The following TCF25 variants were observed in gnomAD, a reference collection of about 807,000 sequenced individuals.
The protein encoded by TCF25 is ribosome quality control complex subunit TCF25.
TCF25 carries 41 observed loss-of-function variants against 83.1 expected under a neutral mutation model. That is an observed-to-expected ratio of 0.49 (90% CI 0.38 to 0.64). The LOEUF (loss-of-function observed/expected upper bound fraction) is 0.64. TCF25 is among the 30% of genes least tolerant of loss of function. The pLI is 0.00. For synonymous variants in TCF25, 458 were observed against 365.0 expected (o/e 1.25, Z -2.90); for missense variants, 979 against 914.5 (o/e 1.07, Z -0.91).
intron 1 of TCF25, among the ~76,000 whole-genome samples, chr16:89,881,333 A>G (rs2042591167): frequency 6.6e-6 from 1 of 152,074 alleles, no homozygotes; most frequent in Admixed American, 6.6e-5. Flanking sequence ...GGTTTTCAAG[A>G]TGTTTTAAAT....
intron 5 of TCF25, 70 bp from the exon 6 acceptor site, chr16:89,892,123 T>G (rs2043479562): frequency 1.4e-6 from 2 of 1,445,492 alleles, no homozygotes. Context: ...CGTGCAGGGA[T>G]CAGGCAGCCA....
At position 89,873,826 on chromosome 16, in the gene TCF25, G is replaced by A. The variant is rs1335493116; in HGVS notation, c.159G>A (p.Lys53=). 4 of 1,583,418 alleles carry A rather than the reference G, an allele frequency of 2.5e-6. No homozygotes were observed. The highest frequency in any genetic ancestry group is 1.7e-4 in the Middle Eastern group (1 of 5,990). Residue 53 remains lysine, a synonymous_variant, in exon 1 of 18, where the codon AAG becomes AAA. Transcript: ENST00000263346. ...TCCGGCGTCCCGGGGGCGCAGGGAAGGAGGGCGTCCGAGTCAACAACCGCT... is the reference window on the plus strand; with the variant it reads ...TCCGGCGTCCCGGGGGCGCAGGGAAAGAGGGCGTCCGAGTCAACAACCGCT... ...LGVRRPGGAG[K]EGVRVNNRFE...
chr16:89,874,837 C>T (rs2143872649), intron 1 of TCF25: 1 of 151,442 alleles, frequency 6.6e-6, no homozygotes, highest in East Asian at 1.9e-4. Context: ...TGGTCTAGAA[C>T]TTCTGCGCTC....
chr16:89,904,367 A>C, intron 13 of TCF25, 162 bp downstream of exon 13: 1 of 752,734 alleles, frequency 1.3e-6, no homozygotes, highest in Non-Finnish European at 2.2e-6. Flanking sequence ...ACGGCTCTGG[A>C]GCCCTCATCT....
In TCF25 at chr16:89,896,013, T is replaced by C; in HGVS notation, c.952T>C (p.Cys318Arg). Residue 318 changes from cysteine (C) to arginine (R), a missense_variant, in exon 9 of 18, where the codon TGT becomes CGT. Transcript: ENST00000263346. ...LVERALYSME[C>R]AFHPLFSLTS... ...AGAGAGAGCGCTGTACAGCATGGAA[T>C]GTGCGTTCCACCCCCTGTTCAGTCT... is the stretch of plus-strand genomic sequence containing the variant. 1 of 1,613,924 alleles carries C rather than the reference T, an allele frequency of 6.2e-7. No individual in the cohort carries two copies. Among genetic ancestry groups the C allele is most frequent in the Non-Finnish European group, 8.5e-7 (1 of 1,179,984 alleles).
At chr16:89,898,918 T>G in intron 11 of TCF25, 46 bp downstream of exon 11, 1 of 1,570,280 alleles carries the variant, frequency 6.4e-7, no homozygotes, top group African/African-American at 1.3e-5. Flanking sequence ...GGACACCTGC[T>G]TCTCCTTCTG....
rs759320439 is a variant in TCF25, at chr16:89,893,870, C to G, written c.828+12C>G. 34 of 1,592,974 alleles carry G rather than the reference C, an allele frequency of 2.1e-5. 1 individual carries two copies. The highest frequency in any genetic ancestry group is 3.9e-4 in the Middle Eastern group (2 of 5,116). On this transcript the variant is annotated intron_variant, in intron 7 of 17. Transcript: ENST00000263346. ...CGAACAACATCGTGGTGCGTGGTCC[C>G]TGCAGCCCCTGACAGGAGCAGGGGC...
chr16:89,887,232 G>A (rs751302883), intron 4 of TCF25, among the ~76,000 whole-genome samples: 1 of 151,872 alleles, frequency 6.6e-6, no homozygotes, highest in Non-Finnish European at 1.5e-5. Flanking sequence ...ATCCTTGGAT[G>A]ATTAATTCAT....
At chr16:89,900,439 A>G (rs745809489) in intron 11 of TCF25, among the ~76,000 whole-genome samples, 196 bp from the exon 12 acceptor site, 1 of 152,110 alleles carries the variant, frequency 6.6e-6, no homozygotes, top group Non-Finnish European at 1.5e-5. Flanking sequence ...CGTCCTCTGT[A>G]TCTTCTGCAT....
chr16:89,902,606 A>C (rs1214162248), intron 12 of TCF25, among the ~76,000 whole-genome samples: 1 of 147,050 alleles, frequency 6.8e-6, no homozygotes, highest in Non-Finnish European at 1.5e-5. Flanking sequence ...GGAGAATGGC[A>C]TGAACCCAGG....
At chr16:89,908,868 G>C (rs2144336637) in intron 16 of TCF25, 2 of 1,195,346 alleles carry the variant, frequency 1.7e-6, no homozygotes, top group Non-Finnish European at 2.2e-6. Flanking sequence ...CTGCAGCTCT[G>C]AGGTCAGGGC....
chr16:89,880,131 A>G (rs2042501253), intron 1 of TCF25, among the ~76,000 whole-genome samples: 1 of 130,546 alleles, frequency 7.7e-6, no homozygotes, highest in Non-Finnish European at 1.8e-5. Context: ...GTCTGTGTAC[A>G]CAGGCAGGCT....
rs777395488 is a variant in TCF25, at chr16:89,911,276, T to A, written c.*38T>A. 1.1e-5 allele frequency: 17 copies of A among 1,603,026 alleles called. No individual in the cohort carries two copies. The highest frequency in any genetic ancestry group is 4.5e-5 in the East Asian group (2 of 44,612). Reference sequence around the variant, plus strand: ...GTGACCGAAAAGCCGTATGATGATGTTCCCGATTTCTCTGTTGGTCGGAGT... The same window carrying A: ...GTGACCGAAAAGCCGTATGATGATGATCCCGATTTCTCTGTTGGTCGGAGT... On this transcript the variant is annotated 3_prime_UTR_variant, in exon 18 of 18. Coordinates refer to ENST00000263346, the MANE Select transcript of TCF25 (RefSeq NM_014972.3).
At chr16:89,896,271 A>C (rs1221414853) in intron 9 of TCF25, among the ~76,000 whole-genome samples, 188 bp downstream of exon 9, 1 of 152,024 alleles carries the variant, frequency 6.6e-6, no homozygotes, top group Non-Finnish European at 1.5e-5. Flanking sequence ...GCCCAGGTTT[A>C]CCTTTGTCTG....
In TCF25 at chr16:89,911,339, C is replaced by T. The variant is rs953737681; in HGVS notation, c.*101C>T. ...TGAAGTAGGGAAGCTGAGTGTGTCG[C>T]TCCCTGGTCCACTGTTTCTCCTATA... On this transcript the variant is annotated 3_prime_UTR_variant, in exon 18 of 18. Coordinates refer to ENST00000263346, the MANE Select transcript of TCF25 (RefSeq NM_014972.3). 2.8e-6 allele frequency: 4 copies of T among 1,449,230 alleles called. No homozygotes were observed. The African/African-American group carries it at 5.5e-5, about 20-fold the overall frequency. 89.8% of individuals were successfully genotyped at this position (1,449,230 alleles called of 1,614,324 possible).
rs756094390 is a variant in TCF25 at position 89,900,775 on chromosome 16, G to T, written c.1362G>T (p.Ala454=). The change falls in exon 12 of 18, where the codon GCG becomes GCT. Residue 454 remains alanine, a synonymous_variant. Transcript: ENST00000263346. ...RQKASLLIQQ[A]LTMFPGVLLP... is the part of the protein sequence containing the mutation. ...AGGCCTCTCTCCTGATACAGCAGGC[G>T]CTCACCATGTTCCCTGGAGGTGAGT... 7 of 1,584,758 alleles carry T rather than the reference G, an allele frequency of 4.4e-6. No homozygotes were observed. The highest frequency in any genetic ancestry group is 3.4e-5 in the Admixed American group (2 of 59,576).
Position 89,898,819 on chromosome 16 carries a change from G to A in TCF25, c.1168G>A (p.Ala390Thr), listed in dbSNP as rs772196621. ...CATGCTGCTGCTCATCGACCACCTG[G>A]CCTTGCGGGCCCGGAACTACGAGTA... Reference protein sequence around the residue: ...LCMLLLIDHLALRARNYEYLI... With the variant: ...LCMLLLIDHLTLRARNYEYLI... Residue 390 changes from alanine (A) to threonine (T), a missense_variant, in exon 11 of 18, where the codon GCC (alanine) becomes ACC (threonine). Physicochemically the swap from Ala to Thr is moderately conservative, Grantham distance 58. Coordinates refer to ENST00000263346, the MANE Select transcript of TCF25 (RefSeq NM_014972.3). 1 of 1,613,874 alleles carries A rather than the reference G, an allele frequency of 6.2e-7. No individual in the cohort carries two copies. The highest frequency in any genetic ancestry group is 8.5e-7 in the Non-Finnish European group (1 of 1,180,038).
In TCF25 at chr16:89,873,763, T is replaced by C. The variant is rs1567684185; in HGVS notation, c.96T>C (p.Asp32=). 1 of 1,611,298 alleles carries C rather than the reference T, an allele frequency of 6.2e-7. No homozygotes were observed. ...GALHFDLRDD[D]DAEEEGPKRE... ...TGCATTTCGATCTCCGTGATGACGA[T>C]GACGCGGAAGAAGAAGGGCCCAAGC... The change falls in exon 1 of 18, where the codon GAT becomes GAC. Residue 32 remains aspartate, a synonymous_variant. Coordinates refer to ENST00000263346, the MANE Select transcript of TCF25 (RefSeq NM_014972.3).
At chr16:89,894,080 G>T (rs2043633942) in intron 7 of TCF25, among the ~76,000 whole-genome samples, 1 of 152,196 alleles carries the variant, frequency 6.6e-6, no homozygotes, top group African/African-American at 2.4e-5. Context: ...GGAGAGGCTG[G>T]AGCGCTGCTC....
Sources: gnomAD v4.1 joint callset for allele counts (sites outside exome capture counted in the v4.1 genomes callset) on GRCh38, gnomAD v4.1.1 for gene constraint, MANE v1.5 for transcripts, NCBI Gene and HGNC (gene_info 2026-07-23, HGNC 2026-07-21) for gene names.